Variants in NRG3 observed in about 807,000 individuals in gnomAD.
NRG3 encodes neuregulin 3.
In NRG3, 31 loss-of-function variants were observed where a neutral mutation model predicts 66.9. The observed-to-expected ratio is 0.46, with a 90% confidence interval of 0.35 to 0.63. The LOEUF is 0.63. NRG3 is among the 20% of genes least tolerant of loss of function. The probability of loss-of-function intolerance (pLI) is 0.00; values close to 1 mark genes in which losing one functional copy is unlikely to be tolerated. For synonymous variants in NRG3, 393 were observed against 359.4 expected, an observed-to-expected ratio of 1.09 and a Z score of -1.06; for missense variants, 910 against 878.9, an observed-to-expected ratio of 1.04 and a Z score of -0.45.
chr10:82,788,858 C>T (rs1383221104), intron 3 of NRG3, among the ~76,000 whole-genome samples: 1 of 151,798 alleles, frequency 6.6e-6, no homozygotes, highest in African/African-American at 2.4e-5. Flanking sequence ...ATTAAATATT[C>T]ACCTATGTCA....
At chr10:82,315,734 C>A (rs1484041069) in intron 1 of NRG3, among the ~76,000 whole-genome samples, 1 of 148,142 alleles carries the variant, frequency 6.8e-6, no homozygotes, top group African/African-American at 2.5e-5. Flanking sequence ...GGCACCGTGT[C>A]GGCTCGCTGC....
At position 82,952,733 on chromosome 10, in the gene NRG3, T is replaced by C. The variant is rs980407251; in HGVS notation, c.1157+1162T>C. The stretch of plus-strand genomic sequence containing the variant: ...TTTTTACCAATTTGCTCTTCTAACA[T>C]GGGATTAATTTCCAGGTATAGTTTG... On this transcript the variant is annotated intron_variant, in intron 5 of 8. Coordinates refer to ENST00000372141, the MANE Select transcript of NRG3 (RefSeq NM_001010848.4). Among the ~76,000 whole-genome samples, 35 of 151,932 alleles carry C rather than the reference T, an allele frequency of 2.3e-4. 1 individual carries two copies. Among genetic ancestry groups the C allele is most frequent in the Admixed American group, 7.2e-4 (11 of 15,274 alleles).
chr10:82,264,333 G>A (rs948010344), intron 1 of NRG3, among the ~76,000 whole-genome samples: 1 of 152,120 alleles, frequency 6.6e-6, no homozygotes, highest in Non-Finnish European at 1.5e-5. Context: ...GAGCAAGGGG[G>A]AAACCCCTTA....
At position 82,984,820 on chromosome 10, in the gene NRG3, C is replaced by T. The variant is rs1853287779; in HGVS notation, c.1584-278C>T. On this transcript the variant is annotated intron_variant, in intron 8 of 8. Coordinates refer to ENST00000372141, the MANE Select transcript of NRG3 (RefSeq NM_001010848.4). The stretch of plus-strand genomic sequence containing the variant: ...GAAGACTATATCCCACCTGCCTATA[C>T]AGCTGTGGTGTGTTGAAAGACCCCT... 3 of 1,546,586 alleles carry T rather than the reference C, an allele frequency of 1.9e-6. No individual in the cohort carries two copies. In the African/African-American group the frequency reaches 4.1e-5, roughly 21 times the overall value.
At chr10:82,563,371 ATAAT>A (rs927994899) in intron 2 of NRG3, among the ~76,000 whole-genome samples, 10 of 152,146 alleles carry the variant, frequency 6.6e-5, no homozygotes, top group African/African-American at 2.4e-4. Flanking sequence ...ATGTATCCTC[ATAAT>A]TAATTAAGAA....
intron 1 of NRG3, among the ~76,000 whole-genome samples, chr10:81,954,521 G>A (rs1849644276): frequency 6.6e-6 from 1 of 152,068 alleles, no homozygotes; most frequent in Non-Finnish European, 1.5e-5. Context: ...AAAACAAGCT[G>A]AACTCAAGAG....
intron 2 of NRG3, among the ~76,000 whole-genome samples, chr10:82,362,549 T>TG (rs2084243214): frequency 8.3e-5 from 1 of 11,986 alleles, no homozygotes; most frequent in South Asian, 2.1e-3. Flanking sequence ...AATTTCTGGG[T>TG]TTTTTTTTTT....
At chr10:82,944,755 A>G (rs999789078) in intron 4 of NRG3, among the ~76,000 whole-genome samples, 1 of 152,220 alleles carries the variant, frequency 6.6e-6, no homozygotes, top group Non-Finnish European at 1.5e-5. Flanking sequence ...AAAAACAAAA[A>G]TAAACCCTAA....
chr10:82,328,270 G>C (rs527513831), intron 1 of NRG3, among the ~76,000 whole-genome samples: 6 of 152,166 alleles, frequency 3.9e-5, no homozygotes, highest in Non-Finnish European at 8.8e-5. Flanking sequence ...GGTCTTGTTT[G>C]GATATTTGTT....
intron 2 of NRG3, among the ~76,000 whole-genome samples, chr10:82,601,583 T>C (rs1240820807): frequency 1.3e-5 from 2 of 152,098 alleles, no homozygotes; most frequent in Non-Finnish European, 2.9e-5. Context: ...ATTAGAATCT[T>C]AATTTTATTA....
intron 1 of NRG3, among the ~76,000 whole-genome samples, chr10:81,990,452 G>T (rs1241505539): frequency 6.6e-6 from 1 of 152,116 alleles, no homozygotes; most frequent in African/African-American, 2.4e-5. Context: ...TTATCCTCTT[G>T]TAGAAACTGT....
intron 1 of NRG3, among the ~76,000 whole-genome samples, chr10:81,971,514 T>A (rs1370508632): frequency 6.6e-6 from 1 of 152,152 alleles, no homozygotes; most frequent in South Asian, 2.1e-4. Context: ...TCTGGCCCAG[T>A]TGGAGTAAAA....
At chr10:81,924,930 G>A (rs563135958) in intron 1 of NRG3, among the ~76,000 whole-genome samples, 18 of 151,866 alleles carry the variant, frequency 1.2e-4, no homozygotes, top group African/African-American at 4.3e-4. Context: ...ATTTGCAGGT[G>A]AAAGAGAAAA....
At chr10:82,084,388 A>G (rs1280248777) in intron 1 of NRG3, among the ~76,000 whole-genome samples, 1 of 151,134 alleles carries the variant, frequency 6.6e-6, no homozygotes. Context: ...TCAGAATGTC[A>G]TCAAAAAATT....
intron 1 of NRG3, among the ~76,000 whole-genome samples, chr10:82,068,067 G>A (rs368075422): frequency 2.0e-5 from 3 of 152,110 alleles, no homozygotes; most frequent in Admixed American, 6.5e-5. Flanking sequence ...TTCCTGCGTC[G>A]AAGAATGGTT....
chr10:82,066,516 T>G (rs971011259), intron 1 of NRG3, among the ~76,000 whole-genome samples: 1 of 152,184 alleles, frequency 6.6e-6, no homozygotes, highest in Non-Finnish European at 1.5e-5. Context: ...ACCCTCATTT[T>G]GGTATCCTAT....
chr10:82,636,524 T>C (rs1436346022), intron 2 of NRG3, among the ~76,000 whole-genome samples: 3 of 152,140 alleles, frequency 2.0e-5, no homozygotes, highest in African/African-American at 7.2e-5. Context: ...ATATTTTTCT[T>C]TCTGTATCTG....
intron 2 of NRG3, among the ~76,000 whole-genome samples, chr10:82,585,695 A>T (rs2046629224): frequency 6.6e-6 from 1 of 152,190 alleles, no homozygotes; most frequent in Non-Finnish European, 1.5e-5. Context: ...CATCTCACCT[A>T]CACTCTCTAA....
At chr10:82,556,703 T>C (rs963568062) in intron 2 of NRG3, among the ~76,000 whole-genome samples, 2 of 152,170 alleles carry the variant, frequency 1.3e-5, no homozygotes, top group Non-Finnish European at 2.9e-5. Flanking sequence ...TAATCTCCTG[T>C]CATAGGGTTC....
Sources: allele counts gnomAD v4.1 joint callset (sites outside exome capture counted in the v4.1 genomes callset), GRCh38; gene constraint gnomAD v4.1.1; transcripts MANE v1.5; gene names NCBI Gene and HGNC (gene_info 2026-07-23, HGNC 2026-07-21).